Variants in GLRA2 observed in about 807,000 individuals in gnomAD.
GLRA2 encodes the protein glycine receptor alpha 2.
GLRA2 carries 11 observed loss-of-function variants against 31.6 expected under a neutral mutation model. That is an observed-to-expected ratio of 0.35 (90% confidence interval 0.22 to 0.58). The LOEUF is 0.58. GLRA2 is among the 20% of genes least tolerant of loss of function. The pLI is 0.84. For missense variants in GLRA2, 212 were observed against 351.8 expected, an observed-to-expected ratio of 0.60 and a Z score of 3.18; for synonymous variants, 132 against 134.0, an observed-to-expected ratio of 0.99 and a Z score of 0.10.
intron 8 of GLRA2, among the ~76,000 whole-genome samples, chrX:14,721,695 G>C (rs1274817629): frequency 9.0e-6 from 1 of 111,130 alleles, no homozygotes; most frequent in African/African-American, 3.3e-5. Flanking sequence ...TCTGATTTGA[G>C]GACCCTTCGC....
the GLRA2 span, among the ~76,000 whole-genome samples, chrX:14,452,207 C>T: frequency 2.2e-4 from 25 of 112,231 alleles, no homozygotes; most frequent in Non-Finnish European, 4.3e-4. Flanking sequence ...CAGGTGATTC[C>T]ATTTAAGAAC....
intron 4 of GLRA2, among the ~76,000 whole-genome samples, chrX:14,597,476 G>A (rs2090218821): frequency 9.0e-6 from 1 of 111,610 alleles, no homozygotes; most frequent in Non-Finnish European, 1.9e-5. Flanking sequence ...TGCTGGGGGA[G>A]GCCCAGAGAT....
chrX:14,711,804 G>A (rs955076770), intron 8 of GLRA2, among the ~76,000 whole-genome samples: 1 of 112,287 alleles, frequency 8.9e-6, no homozygotes, highest in Non-Finnish European at 1.9e-5. Flanking sequence ...CAGAGTTTTC[G>A]CTCCAGAGCC....
chrX:14,665,710 T>C (rs1232421172), intron 7 of GLRA2, among the ~76,000 whole-genome samples: 1 of 112,265 alleles, frequency 8.9e-6, no homozygotes. Flanking sequence ...ATCTGGTCCA[T>C]GTCCTTTCCA....
the GLRA2 span, among the ~76,000 whole-genome samples, chrX:14,449,190 T>C: frequency 8.9e-6 from 1 of 111,823 alleles, no homozygotes; most frequent in Admixed American, 9.4e-5. Context: ...AGAGAGGAGA[T>C]GCAGACACCA....
At chrX:14,517,033 T>C in the GLRA2 span, among the ~76,000 whole-genome samples, 1 of 112,095 alleles carries the variant, frequency 8.9e-6, no homozygotes. Flanking sequence ...AGCCAGTAAG[T>C]TTTTGGATAG....
At chrX:14,710,049 C>T (rs923009985) in intron 8 of GLRA2, among the ~76,000 whole-genome samples, 1 of 111,928 alleles carries the variant, frequency 8.9e-6, no homozygotes, top group Non-Finnish European at 1.9e-5. Flanking sequence ...ACATGCCTCA[C>T]TGCCCCTCTG....
chrX:14,687,904 GCT>G (rs757818798), intron 7 of GLRA2, among the ~76,000 whole-genome samples: 7 of 112,172 alleles, frequency 6.2e-5, no homozygotes, highest in Non-Finnish European at 1.3e-4. Flanking sequence ...CAGCTTTTCT[GCT>G]CTGTTTTTTC....
chrX:14,714,513 C>A (rs2091756993), intron 8 of GLRA2, among the ~76,000 whole-genome samples: 1 of 111,741 alleles, frequency 8.9e-6, no homozygotes, highest in South Asian at 3.7e-4. Flanking sequence ...TAGCCCAACT[C>A]AACTCCCTAT....
intron 7 of GLRA2, among the ~76,000 whole-genome samples, chrX:14,662,907 T>C (rs1314381431): frequency 2.7e-5 from 3 of 112,201 alleles, no homozygotes; most frequent in African/African-American, 6.5e-5. Context: ...GCTATTGTTA[T>C]TTTTCATTAT....
intron 2 of GLRA2, among the ~76,000 whole-genome samples, chrX:14,541,420 C>T (rs983825559): frequency 1.8e-5 from 2 of 111,484 alleles, no homozygotes; most frequent in Non-Finnish European, 3.8e-5. Context: ...AATTCTCCTA[C>T]GTTAGGAAAA....
At chrX:14,462,769 T>A in the GLRA2 span, among the ~76,000 whole-genome samples, 1 of 111,792 alleles carries the variant, frequency 8.9e-6, no homozygotes, top group Non-Finnish European at 1.9e-5. Context: ...GGTTGTTAGC[T>A]TCCTTGTGAT....
chrX:14,498,516 G>A, the GLRA2 span, among the ~76,000 whole-genome samples: 1 of 109,745 alleles, frequency 9.1e-6, no homozygotes, highest in Non-Finnish European at 1.9e-5. Context: ...TATTTTGAGG[G>A]CACATGAGGT....
chrX:14,696,325 C>T (rs1427714598), intron 8 of GLRA2, among the ~76,000 whole-genome samples: 3 of 109,588 alleles, frequency 2.7e-5, no homozygotes, highest in Non-Finnish European at 3.8e-5. Flanking sequence ...GGGGAAAACA[C>T]GGAAGAGACA....
At chrX:14,538,476 T>A (rs1287827442) in intron 2 of GLRA2, among the ~76,000 whole-genome samples, 1 of 111,869 alleles carries the variant, frequency 8.9e-6, no homozygotes, top group African/African-American at 3.2e-5. Context: ...AATTCGGGCA[T>A]CTTAGATTCC....
the GLRA2 span, among the ~76,000 whole-genome samples, chrX:14,454,855 T>C: frequency 8.9e-6 from 1 of 112,338 alleles, no homozygotes; most frequent in Admixed American, 9.5e-5. Context: ...CATTAGAGAC[T>C]ATAAATATGA....
At chrX:14,667,016 A>G (rs2091043935) in intron 7 of GLRA2, among the ~76,000 whole-genome samples, 1 of 112,320 alleles carries the variant, frequency 8.9e-6, no homozygotes, top group South Asian at 3.7e-4. Context: ...ATCTTTGTAT[A>G]CTTCTCAGCA....
At chrX:14,618,173 C>T (rs771718740) in intron 7 of GLRA2, among the ~76,000 whole-genome samples, 36 of 111,871 alleles carry the variant, frequency 3.2e-4, no homozygotes, top group Non-Finnish European at 6.4e-4. Flanking sequence ...GGAAAAGTTT[C>T]CTCATAGCTT....
At position 14,530,774 on chromosome X, in the gene GLRA2, C is replaced by G. The variant is rs1003421351; in HGVS notation, c.68+649C>G. Among the ~76,000 whole-genome samples the G allele has an allele frequency of 2.7e-5, 3 of 111,603 alleles. No individual in the cohort carries two copies. The South Asian group carries it at 1.1e-3, about 42-fold the overall frequency. ...TTAAAAAGTGAGAAATTACTATTTT[C>G]ATGCTTGCATTTTCTACATGGTTTA... is the stretch of plus-strand genomic sequence containing the variant. On this transcript the variant is annotated intron_variant, in intron 1 of 8. Coordinates refer to ENST00000218075, the MANE Select transcript of GLRA2 (RefSeq NM_002063.4).
Sources: allele counts gnomAD v4.1 joint callset (sites outside exome capture counted in the v4.1 genomes callset), GRCh38; gene constraint gnomAD v4.1.1; transcripts MANE v1.5; gene names NCBI Gene and HGNC (gene_info 2026-07-23, HGNC 2026-07-21).